The following CXXC1 variants were observed in gnomAD, a reference collection of about 807,000 sequenced individuals.
The protein encoded by CXXC1 is CXXC finger protein 1.
In CXXC1, 21 loss-of-function variants were observed where a neutral mutation model predicts 83.6. The ratio of observed to expected loss-of-function variants is 0.25; its 90% confidence interval spans 0.18 to 0.36. The LOEUF is 0.36. CXXC1 is among the 10% of genes least tolerant of loss of function. CXXC1 has a pLI of 1.00. For synonymous variants in CXXC1, 371 were observed against 337.5 expected, an observed-to-expected ratio of 1.10 and a Z score of -1.09; for missense variants, 688 against 919.5, an observed-to-expected ratio of 0.75 and a Z score of 3.26.
In CXXC1 at chr18:50,285,588, G is replaced by T. The variant is rs2040700736; in HGVS notation, c.639+161C>A. On this transcript the variant is annotated intron_variant, in intron 5 of 14. Coordinates refer to ENST00000285106, the MANE Select transcript of CXXC1 (RefSeq NM_014593.4). This position sits in a 1 kb window ranked among gnomAD's most constrained non-coding sequence, Gnocchi z 4.4. ...GGTGTTCTGCCAGCCCAGCATACCA[G>T]GTCATGCCCCATTCATCTGGACATG... is the stretch of plus-strand genomic sequence containing the variant. The T allele has an allele frequency of 9.6e-7, 1 of 1,044,260 alleles. No homozygotes were observed. The highest frequency in any genetic ancestry group is 1.4e-6 in the Non-Finnish European group (1 of 722,096). The allele number at this position is 1,044,260 out of a possible 1,614,324, so 64.7% of individuals were successfully genotyped here.
intron 9 of CXXC1, 133 bp from the exon 10 acceptor site, chr18:50,284,234 G>T (rs757190877): frequency 3.5e-5 from 50 of 1,434,552 alleles, no homozygotes; most frequent in Non-Finnish European, 4.4e-5. Flanking sequence ...ACACGGGCAG[G>T]TGGGTGGGTA....
intron 13 of CXXC1, 39 bp from the exon 14 acceptor site, chr18:50,283,045 T>C: frequency 1.2e-6 from 2 of 1,607,704 alleles, no homozygotes; most frequent in Non-Finnish European, 1.7e-6. Context: ...ATAGCGGTGA[T>C]AAGGGAGAAT....
chr18:50,286,798 C>T lies in CXXC1; in HGVS notation c.64G>A (p.Gly22Arg). The T allele has an allele frequency of 1.2e-6, 2 of 1,614,194 alleles. No homozygotes were observed. The highest frequency in any genetic ancestry group is 1.7e-6 in the Non-Finnish European group (2 of 1,180,016). The change falls in exon 2 of 15, where the codon GGG becomes AGG. Residue 22 changes from glycine (G) to arginine (R), a missense_variant. By Grantham distance (125) the Gly-to-Arg change is moderately radical. Transcript: ENST00000285106. The stretch of plus-strand genomic sequence containing the variant: ...ATGCAGTAGATGGGCGCATTCTCCC[C>T]ATTCTCGGACTTGCTGTCCTCCCCG... ...DAGEDSKSEN[G>R]ENAPIYCICR...
intron 12 of CXXC1, 48 bp from the exon 13 acceptor site, chr18:50,283,409 C>T: frequency 6.2e-7 from 1 of 1,600,142 alleles, no homozygotes; most frequent in Non-Finnish European, 8.6e-7. Context: ...AAGGGAGGTC[C>T]ATCTGTCCTG....
Position 50,282,625 on chromosome 18 carries a change from T to C in CXXC1, c.1939A>G (p.Thr647Ala). 1 of 1,607,740 alleles carries C rather than the reference T, an allele frequency of 6.2e-7. No individual in the cohort carries two copies. The highest frequency in any genetic ancestry group is 2.2e-5 in the East Asian group (1 of 44,842). Residue 647 changes from threonine to alanine, a missense_variant, in exon 15 of 15, where the codon ACT becomes GCT. By Grantham distance (58) the Thr-to-Ala change is moderately conservative. This residue lies in a region of CXXC1 where 34 missense variants were observed against 27.0 expected (regional missense o/e 1.26). Transcript: ENST00000285106. The surrounding 1 kb of genome is among the most constrained non-coding windows in gnomAD (Gnocchi z 5.8). ...TCGGCACTGGAGCGCAGGTCGGTAG[T>C]GAGGGGATCGTGCTGGATCGTCTGG... is the stretch of plus-strand genomic sequence containing the variant. ...LHQTIQHDPL[T>A]TDLRSSADR is the part of the protein sequence containing the mutation.
In CXXC1 at chr18:50,285,205, G is replaced by A. The variant is rs1174983092; in HGVS notation, c.709C>T (p.Arg237Trp). The A allele has an allele frequency of 5.6e-6, 9 of 1,614,092 alleles. No homozygotes were observed. The highest frequency in any genetic ancestry group is 1.7e-5 in the Admixed American group (1 of 60,010). ...TPSESLPRPR[R>W]PLPTQQQPQP... ...GGCTGCTGTTGGGTGGGCAGTGGCC[G>A]GCGGGGCCTTGGCAGGGACTCTGAG... The change falls in exon 7 of 15, where the codon CGG becomes TGG. Residue 237 changes from arginine to tryptophan, a missense_variant. Coordinates refer to ENST00000285106, the MANE Select transcript of CXXC1 (RefSeq NM_014593.4). This position sits in a 1 kb window ranked among gnomAD's most constrained non-coding sequence, Gnocchi z 4.4.
chr18:50,284,291 C>T (rs1322823302), intron 9 of CXXC1, 87 bp downstream of exon 9: 2 of 1,518,514 alleles, frequency 1.3e-6, no homozygotes, highest in Admixed American at 3.9e-5. Context: ...TGGTGGATAG[C>T]TGATTGACTG....
chr18:50,284,425 G>C lies in CXXC1; in HGVS notation c.1158C>G (p.Pro386=). ...LGPGCVRPAQ[P]SSKYCSDDCG... ...AGTCATCTGAGCAATACTTGGAGCTGGGCTGGGCGGGGCGCACACAGCCGG... is the reference window on the plus strand; with the variant it reads ...AGTCATCTGAGCAATACTTGGAGCTCGGCTGGGCGGGGCGCACACAGCCGG... The change falls in exon 9 of 15, where the codon CCC becomes CCG. Residue 386 remains proline (P), a synonymous_variant. Transcript: ENST00000285106. 6.3e-7 allele frequency: 1 copy of C among 1,584,202 alleles called. No homozygotes were observed. Among genetic ancestry groups the C allele is most frequent in the Non-Finnish European group, 8.6e-7 (1 of 1,167,604 alleles).
In CXXC1 at chr18:50,282,597, C is replaced by G. The variant is rs986268178; in HGVS notation, c.1967G>C (p.Arg656Pro). 2 of 1,608,344 alleles carry G rather than the reference C, an allele frequency of 1.2e-6. No homozygotes were observed. Residue 656 changes from arginine to proline, a missense_variant, in exon 15 of 15, where the codon CGC becomes CCC. Transcript: ENST00000285106. The surrounding 1 kb of genome is among the most constrained non-coding windows in gnomAD (Gnocchi z 5.8). ...AAGGGGTCCGGGCCAGGAGGCTCAGCGGTCGGCACTGGAGCGCAGGTCGGT... is the reference window on the plus strand; with the variant it reads ...AAGGGGTCCGGGCCAGGAGGCTCAGGGGTCGGCACTGGAGCGCAGGTCGGT... ...LTTDLRSSADR is the reference protein window; with the variant it reads ...LTTDLRSSADP
rs528540370 is a variant in CXXC1 at position 50,285,868 on chromosome 18, C to T, written c.520G>A (p.Ala174Thr). 2 of 1,614,118 alleles carry T rather than the reference C, an allele frequency of 1.2e-6. No individual in the cohort carries two copies. Among genetic ancestry groups the T allele is most frequent in the African/African-American group, 1.3e-5 (1 of 74,938 alleles). Reference sequence around the variant, plus strand: ...CCACAGTCCTCAGTGCGCCGACATGCCTCACACTCACCACACATGCGGGCT... The same window carrying T: ...CCACAGTCCTCAGTGCGCCGACATGTCTCACACTCACCACACATGCGGGCT... ...RSARMCGECE[A>T]CRRTEDCGHC... The change falls in exon 5 of 15, where the codon GCA becomes ACA. Residue 174 changes from alanine (A) to threonine (T), a missense_variant. By Grantham distance (58) the Ala-to-Thr change is moderately conservative (BLOSUM62 0). This residue lies in a region of CXXC1 where 35 missense variants were observed against 92.2 expected (regional missense o/e 0.38). Coordinates refer to ENST00000285106, the MANE Select transcript of CXXC1 (RefSeq NM_014593.4). The surrounding 1 kb of genome is among the most constrained non-coding windows in gnomAD (Gnocchi z 4.4).
At position 50,286,007 on chromosome 18, in the gene CXXC1, T is replaced by C; in HGVS notation, c.459+15A>G. 1 of 1,613,772 alleles carries C rather than the reference T, an allele frequency of 6.2e-7. No homozygotes were observed. Among genetic ancestry groups the C allele is most frequent in the Non-Finnish European group, 8.5e-7 (1 of 1,179,802 alleles). ...AACCACTTTACACATCCATTCACTTTATGCAGCCACTCACCTGGCTGGGTG... is the reference window on the plus strand; with the variant it reads ...AACCACTTTACACATCCATTCACTTCATGCAGCCACTCACCTGGCTGGGTG... On this transcript the variant is annotated intron_variant, in intron 4 of 14. Coordinates refer to ENST00000285106, the MANE Select transcript of CXXC1 (RefSeq NM_014593.4).
chr18:50,282,872 G>T lies in CXXC1; in HGVS notation c.1806C>A (p.Asp602Glu). 6.2e-7 allele frequency: 1 copy of T among 1,614,174 alleles called. No homozygotes were observed. Among genetic ancestry groups the T allele is most frequent in the Non-Finnish European group, 8.5e-7 (1 of 1,180,030 alleles). Reference sequence around the variant, plus strand: ...AACCTACCACACGCACGCGCTCCAAGTCCACTTCCGCACGCCGCAGCTTCT... The same window carrying T: ...AACCTACCACACGCACGCGCTCCAATTCCACTTCCGCACGCCGCAGCTTCT... ...CWEKLRRAEV[D>E]LERVRVWYKL... The change falls in exon 14 of 15, where the codon GAC becomes GAA. Residue 602 changes from aspartate (D) to glutamate (E), a missense_variant. Physicochemically the swap from Asp to Glu is conservative, Grantham distance 45 (BLOSUM62 2). Transcript: ENST00000285106. This position sits in a 1 kb window ranked among gnomAD's most constrained non-coding sequence, Gnocchi z 5.8.
chr18:50,283,894 C>T lies in CXXC1; in HGVS notation c.1413G>A (p.Glu471=), dbSNP rs1175397095. The T allele has an allele frequency of 6.2e-7, 1 of 1,613,966 alleles. No individual in the cohort carries two copies. The highest frequency in any genetic ancestry group is 1.3e-5 in the African/African-American group (1 of 74,942). Residue 471 remains glutamate, a splice_region_variant and synonymous_variant, in exon 10 of 15, where the codon GAG becomes GAA. Transcript: ENST00000285106. ...AKQQAVREDE[E]SNEGDSDDTD... is the part of the protein sequence containing the mutation. ...CTCTGCTGCGCCCCTGCTTGCTCAC[C>T]TCCTCATCCTCGCGCACAGCCTGCT...
In CXXC1 at chr18:50,285,346, C is replaced by G. The variant is rs1418273071; in HGVS notation, c.645G>C (p.Ser215=). Reference sequence around the variant, plus strand: ...TCACCGAGGAAGGGAAGTACTTGTACGATTCCTGTGCCGGCAGGAGGAAGG... The same window carrying G: ...TCACCGAGGAAGGGAAGTACTTGTAGGATTCCTGTGCCGGCAGGAGGAAGG... The part of the protein sequence containing the change: ...LRQCQLRARE[S]YKYFPSSLSP... Residue 215 remains serine (S), a synonymous_variant, in exon 6 of 15, where the codon TCG becomes TCC. Transcript: ENST00000285106. The surrounding 1 kb of genome is among the most constrained non-coding windows in gnomAD (Gnocchi z 4.4). 1.0e-5 allele frequency: 16 copies of G among 1,594,866 alleles called. No individual in the cohort carries two copies. Among genetic ancestry groups the G allele is most frequent in the Middle Eastern group, 1.7e-4 (1 of 5,858 alleles).
rs1185030830 is a variant in CXXC1 at position 50,286,868 on chromosome 18, A to G, written c.4-10T>C. On this transcript the variant is annotated splice_polypyrimidine_tract_variant and intron_variant, in intron 1 of 14. Transcript: ENST00000285106. ...CTGAACCATCTCCCTCCTGCAGGAC[A>G]CCCCCATTACGGATCCTTAAGCAGC... The G allele has an allele frequency of 1.3e-6, 2 of 1,580,050 alleles. No homozygotes were observed. The highest frequency in any genetic ancestry group is 1.1e-5 in the South Asian group (1 of 90,366).
In CXXC1 at chr18:50,287,599, C is replaced by T; in HGVS notation, c.-10G>A. 1.2e-6 allele frequency: 2 copies of T among 1,611,494 alleles called. No individual in the cohort carries two copies. The highest frequency in any genetic ancestry group is 1.7e-6 in the Non-Finnish European group (2 of 1,179,834). On this transcript the variant is annotated 5_prime_UTR_variant, in exon 1 of 15. Coordinates refer to ENST00000285106, the MANE Select transcript of CXXC1 (RefSeq NM_014593.4). Reference sequence around the variant, plus strand: ...ACCCGCTACTTACCATATCTCCGCTCCCGGCGCACTCCCTCACGACCCCCG... The same window carrying T: ...ACCCGCTACTTACCATATCTCCGCTTCCGGCGCACTCCCTCACGACCCCCG...
intron 1 of CXXC1, 156 bp downstream of exon 1, chr18:50,287,431 T>C: frequency 1.1e-6 from 1 of 888,996 alleles, no homozygotes; most frequent in Non-Finnish European, 1.8e-6. Context: ...ACCATAGAAC[T>C]CCCAGATGGT....
At chr18:50,283,147 A>G in intron 13 of CXXC1, 118 bp downstream of exon 13, 2 of 1,264,138 alleles carry the variant, frequency 1.6e-6, no homozygotes, top group Non-Finnish European at 2.3e-6. Context: ...AGGGTGAAGC[A>G]GCAGGGAAGC....
chr18:50,286,325 T>G, intron 3 of CXXC1, 68 bp from the exon 4 acceptor site: 1 of 1,418,446 alleles, frequency 7.0e-7, no homozygotes, highest in Non-Finnish European at 9.6e-7. Flanking sequence ...AAAACCTCTT[T>G]CTTCCTCTTC....
Sources: gnomAD v4.1 joint callset for allele counts on GRCh38, gnomAD v4.1.1 for gene constraint, gnomAD v4.1.1 regional missense constraint, Gnocchi (gnomAD v3.1) non-coding constraint, MANE v1.5 for transcripts, NCBI Gene and HGNC (gene_info 2026-07-23, HGNC 2026-07-21) for gene names.